Variants in SERINC5 observed in about 807,000 individuals in gnomAD.
SERINC5 encodes chromosome 5 open reading frame 12.
A neutral mutation model predicts 63.1 loss-of-function variants in SERINC5; 41 were observed. The observed-to-expected ratio is 0.65, with a 90% CI of 0.51 to 0.84. The LOEUF is 0.84. SERINC5 is among the 40% of genes least tolerant of loss of function. SERINC5 has a pLI of 0.00. For synonymous variants in SERINC5, 222 were observed against 215.2 expected, an observed-to-expected ratio of 1.03 and a Z score of -0.28; for missense variants, 523 against 573.0, an observed-to-expected ratio of 0.91 and a Z score of 0.89.
intron 7 of SERINC5, among the ~76,000 whole-genome samples, chr5:80,164,623 A>G (rs1459593153): frequency 2.0e-5 from 3 of 151,952 alleles, no homozygotes; most frequent in African/African-American, 7.3e-5. Flanking sequence ...GGCTCCTGCA[A>G]TCTGCCTGCC....
At chr5:80,145,334 C>A (rs1345554717) in intron 11 of SERINC5, among the ~76,000 whole-genome samples, 1 of 148,864 alleles carries the variant, frequency 6.7e-6, no homozygotes, top group Non-Finnish European at 1.5e-5. Flanking sequence ...CAAAGCAAGA[C>A]TCCAACTAAA....
chr5:80,145,902 C>T (rs1290424506), intron 11 of SERINC5, among the ~76,000 whole-genome samples, 188 bp downstream of exon 11: 3 of 152,194 alleles, frequency 2.0e-5, no homozygotes, highest in Non-Finnish European at 2.9e-5. Flanking sequence ...CCCAGCTACT[C>T]GGGAGGCTGA....
At chr5:80,186,876 C>T (rs980826971) in intron 2 of SERINC5, among the ~76,000 whole-genome samples, 2 of 152,106 alleles carry the variant, frequency 1.3e-5, no homozygotes, top group Non-Finnish European at 1.5e-5. Flanking sequence ...CAATATTAGG[C>T]CAGGCGCGGT....
chr5:80,114,778 T>C (rs994616359), intron 11 of SERINC5: 1 of 151,656 alleles, frequency 6.6e-6, no homozygotes, highest in African/African-American at 2.4e-5. Context: ...CATGGGGGGA[T>C]TACAATTTGA....
rs187481424 is a variant in SERINC5 at position 80,182,876 on chromosome 5, C to G, written c.196-4812G>C. 2.6e-5 allele frequency among the ~76,000 whole-genome samples: 4 copies of G among 152,172 alleles called. No individual in the cohort carries two copies. The East Asian group carries it at 7.7e-4, about 29-fold the overall frequency. On this transcript the variant is annotated intron_variant, in intron 2 of 11. Coordinates refer to ENST00000507668, the MANE Select transcript of SERINC5 (RefSeq NM_001174072.3). ...GACCCTTTTTAAAATTGCTTTTTCT[C>G]CTGTAATTGGTCTTATGTCAATTTA...
downstream of SERINC5, among the ~76,000 whole-genome samples, chr5:80,111,493 C>T (rs1477943864): frequency 6.6e-6 from 1 of 152,168 alleles, no homozygotes; most frequent in Non-Finnish European, 1.5e-5. Flanking sequence ...ATCAACCAGA[C>T]AAAAACACAG....
At chr5:80,222,083 G>A (rs1395641754) in intron 1 of SERINC5, among the ~76,000 whole-genome samples, 2 of 152,090 alleles carry the variant, frequency 1.3e-5, no homozygotes, top group African/African-American at 4.8e-5. Context: ...AGGAGGTGGA[G>A]GTTGCAGTGA....
intron 11 of SERINC5, among the ~76,000 whole-genome samples, chr5:80,121,319 A>G (rs182467022): frequency 6.6e-6 from 1 of 152,288 alleles, no homozygotes; most frequent in East Asian, 1.9e-4. Flanking sequence ...CTTTTACTTA[A>G]AGCCAGAGCA....
At chr5:80,149,389 A>AT (rs11393336) in intron 9 of SERINC5, among the ~76,000 whole-genome samples, 152,322 of 152,334 alleles carry the variant, frequency 1, 76,155 homozygotes, top group Middle Eastern at 1. Flanking sequence ...ATGTTGGCAG[A>AT]TGACAGCCCT....
chr5:80,254,951 A>C (rs1182724126), intron 1 of SERINC5: 1 of 152,222 alleles, frequency 6.6e-6, no homozygotes, highest in African/African-American at 2.4e-5. Flanking sequence ...GAGTGTCAGC[A>C]AGAACACCCC....
chr5:80,150,645 A>T (rs1227407246), intron 9 of SERINC5, among the ~76,000 whole-genome samples: 3 of 152,170 alleles, frequency 2.0e-5, no homozygotes, highest in African/African-American at 7.2e-5. Flanking sequence ...CATGTTGGCC[A>T]GGCTGGTCTT....
At chr5:80,229,050 T>TTTTTTTTTTTTTTTTTTTTTTTTG (rs1561441934) in intron 1 of SERINC5, among the ~76,000 whole-genome samples, 1 of 94,104 alleles carries the variant, frequency 1.1e-5, no homozygotes, top group Admixed American at 1.3e-4. Context: ...TTTTTTTTTT[T>TTTTTTTTTTTTTTTTTTTTTTTTG]GGGGATGGAG....
chr5:80,186,126 GAAAAAAAAAAAAAAAAAA>G (rs10554934), intron 2 of SERINC5, among the ~76,000 whole-genome samples: 3 of 61,408 alleles, frequency 4.9e-5, no homozygotes, highest in Middle Eastern at 0.014. Flanking sequence ...TTCTTGTTTT[GAAAAAAAAAAAAAAAAAA>G]AAAAAAAAAA....
intron 1 of SERINC5, among the ~76,000 whole-genome samples, chr5:80,227,712 G>T (rs1409788927): frequency 6.6e-6 from 1 of 152,140 alleles, no homozygotes; most frequent in Non-Finnish European, 1.5e-5. Context: ...TAGCCAGGGT[G>T]GGGGCGAACA....
intron 2 of SERINC5, among the ~76,000 whole-genome samples, chr5:80,183,303 G>T (rs527895112): frequency 2.6e-5 from 4 of 152,222 alleles, no homozygotes; most frequent in African/African-American, 9.6e-5. Context: ...AGGGAGGGTG[G>T]AGGGCAGAGG....
chr5:80,116,445 T>A (rs559945618), intron 11 of SERINC5: 1 of 417,382 alleles, frequency 2.4e-6, no homozygotes, highest in East Asian at 7.2e-5. Flanking sequence ...CAGTCCATTT[T>A]CTCCGTTCCC....
chr5:80,208,667 C>T (rs975391638), intron 1 of SERINC5, among the ~76,000 whole-genome samples: 24 of 152,174 alleles, frequency 1.6e-4, no homozygotes, highest in African/African-American at 5.6e-4. Flanking sequence ...CATTCACACA[C>T]GCAAAAGGGA....
At chr5:80,190,058 G>C (rs1749085466) in intron 2 of SERINC5, among the ~76,000 whole-genome samples, 1 of 150,296 alleles carries the variant, frequency 6.7e-6, no homozygotes, top group Non-Finnish European at 1.5e-5. Flanking sequence ...GAACGCAGTG[G>C]TAATACATTA....
At chr5:80,172,238 T>A (rs909815066) in intron 5 of SERINC5, among the ~76,000 whole-genome samples, 1 of 151,972 alleles carries the variant, frequency 6.6e-6, no homozygotes, top group Admixed American at 6.6e-5. Context: ...GCTGAATCGC[T>A]TGGACACCAG....
Sources: allele counts gnomAD v4.1 joint callset (sites outside exome capture counted in the v4.1 genomes callset), GRCh38; gene constraint gnomAD v4.1.1; transcripts MANE v1.5; gene names NCBI Gene and HGNC (gene_info 2026-07-23, HGNC 2026-07-21).